Variants in IQCE observed in about 807,000 individuals in gnomAD.
IQCE encodes IQ motif containing E.
In IQCE, 115 loss-of-function variants were observed where a neutral mutation model predicts 96.0. That is an observed-to-expected ratio of 1.20 (90% CI 1.03 to 1.40). The LOEUF is 1.40. IQCE is among the 40% of genes most tolerant of loss of function. IQCE has a pLI of 0.00. For synonymous variants in IQCE, 412 were observed against 371.2 expected (o/e 1.11, Z -1.26); for missense variants, 1,041 against 909.1 (o/e 1.15, Z -1.87).
intron 8 of IQCE, among the ~76,000 whole-genome samples, chr7:2,579,892 C>G: frequency 6.6e-6 from 1 of 152,094 alleles, no homozygotes; most frequent in Non-Finnish European, 1.5e-5. Flanking sequence ...CCCGGGACTA[C>G]AGGCACGTGC....
chr7:2,572,367 G>A (rs368302285), intron 5 of IQCE, 41 bp downstream of exon 5: 51 of 1,599,320 alleles, frequency 3.2e-5, no homozygotes, highest in Non-Finnish European at 3.9e-5. Flanking sequence ...CCAAGGAAGA[G>A]CAGAAAGGAA....
intron 14 of IQCE, among the ~76,000 whole-genome samples, chr7:2,592,420 G>T (rs914697410): frequency 1.3e-5 from 2 of 152,236 alleles, no homozygotes; most frequent in Non-Finnish European, 2.9e-5. Context: ...CCTCTTAGGA[G>T]CCCTTACCGT....
intron 8 of IQCE, chr7:2,582,211 A>G: frequency 2.6e-6 from 1 of 385,184 alleles, no homozygotes; most frequent in Non-Finnish European, 5.2e-6. Flanking sequence ...TAGGGGCTTC[A>G]GGTCTGTGGT....
In IQCE at chr7:2,612,341, AC is replaced by A. The variant is rs903130877; in HGVS notation, c.*2181del. On this transcript the variant is annotated 3_prime_UTR_variant, in exon 22 of 22. Coordinates refer to ENST00000402050, the MANE Select transcript of IQCE (RefSeq NM_152558.5). The stretch of plus-strand genomic sequence containing the variant: ...TGATGCCCAGTGTCCAGTGCTGGTC[AC>A]CAGTCCCCTTTGCTGGGTACAGCCT... 1.3e-5 allele frequency: 2 copies of A among 152,338 alleles called. No individual in the cohort carries two copies. Among genetic ancestry groups the A allele is most frequent in the Non-Finnish European group, 2.9e-5 (2 of 68,142 alleles). 9.4% of individuals were successfully genotyped at this position (152,338 alleles called of 1,614,324 possible). A position where few individuals can be genotyped will look rare whatever the true frequency, so the allele number is the denominator to read the frequency against.
In IQCE at chr7:2,572,283, C is replaced by T. The variant is rs1202531801; in HGVS notation, c.351C>T (p.Thr117=). Reference sequence around the variant, plus strand: ...GCACTCCTGACTGTCTGACAGACACCTTCAGAGTGAAGAGGCCACATCTCA... The same window carrying T: ...GCACTCCTGACTGTCTGACAGACACTTTCAGAGTGAAGAGGCCACATCTCA... ...PGGTPDCLTD[T]FRVKRPHLRR... is the part of the protein sequence containing the mutation. The change falls in exon 5 of 22, where the codon ACC becomes ACT. Residue 117 remains threonine, a synonymous_variant. Coordinates refer to ENST00000402050, the MANE Select transcript of IQCE (RefSeq NM_152558.5). 1 of 1,614,210 alleles carries T rather than the reference C, an allele frequency of 6.2e-7. No individual in the cohort carries two copies. The highest frequency in any genetic ancestry group is 1.1e-5 in the South Asian group (1 of 91,088).
intron 18 of IQCE, among the ~76,000 whole-genome samples, chr7:2,602,159 A>G (rs923019237): frequency 1.3e-5 from 2 of 152,172 alleles, no homozygotes; most frequent in Non-Finnish European, 2.9e-5. Context: ...GTGACATGCA[A>G]GGTGGGCCTC....
chr7:2,586,256 C>T lies in IQCE; in HGVS notation c.873C>T (p.Gly291=), dbSNP rs1783101581. 6.2e-7 allele frequency: 1 copy of T among 1,614,012 alleles called. No individual in the cohort carries two copies. The highest frequency in any genetic ancestry group is 1.3e-5 in the African/African-American group (1 of 75,048). ...KTGAKRQKKM[G]SALLSLSRSV... ...GCGCCAAAAGGCAGAAGAAGATGGG[C>T]AGTGCCCTCCTGAGCTTGTCCCGGA... The change falls in exon 12 of 22, where the codon GGC becomes GGT. Residue 291 remains glycine (G), a synonymous_variant. Transcript: ENST00000402050.
At chr7:2,600,634 T>C (rs760349440) in intron 17 of IQCE, among the ~76,000 whole-genome samples, 2 of 152,236 alleles carry the variant, frequency 1.3e-5, no homozygotes, top group South Asian at 2.1e-4. Flanking sequence ...CTCACTCTTA[T>C]TCAGTGTATA....
rs201483489 is a variant in IQCE at position 2,610,019 on chromosome 7, C to G, written c.1970-25C>G. Reference sequence around the variant, plus strand: ...CCCCTGAGGTCAGCGTGGCTGACCCCTCTCCCTGTGGTTCATTTCTGCAGA... The same window carrying G: ...CCCCTGAGGTCAGCGTGGCTGACCCGTCTCCCTGTGGTTCATTTCTGCAGA... On this transcript the variant is annotated intron_variant, in intron 21 of 21. Transcript: ENST00000402050. The G allele has an allele frequency of 7.9e-5, 106 of 1,340,718 alleles. No individual in the cohort carries two copies. In the African/African-American group the frequency reaches 1.4e-3, roughly 17 times the overall value. The allele number at this position is 1,340,718 out of a possible 1,614,324, so 83.1% of individuals were successfully genotyped here. A position where few individuals can be genotyped will look rare whatever the true frequency, so the allele number is the denominator to read the frequency against.
At chr7:2,571,373 TA>T in intron 3 of IQCE, 152 bp from the exon 4 acceptor site, 1 of 906,380 alleles carries the variant, frequency 1.1e-6, no homozygotes, top group Non-Finnish European at 1.7e-6. Flanking sequence ...AGTATATAGG[TA>T]AAGTAACTCT....
chr7:2,578,970 A>C (rs1481575778), intron 8 of IQCE, among the ~76,000 whole-genome samples: 1 of 151,826 alleles, frequency 6.6e-6, no homozygotes, highest in Non-Finnish European at 1.5e-5. Flanking sequence ...GAGGCACAAG[A>C]ATTGCTTGAA....
chr7:2,604,686 G>A (rs1784662291), intron 18 of IQCE, among the ~76,000 whole-genome samples, 195 bp from the exon 19 acceptor site: 1 of 152,182 alleles, frequency 6.6e-6, no homozygotes. Flanking sequence ...CAGCTCCCTG[G>A]GGCGCCAGTG....
chr7:2,569,247 G>C (rs1781592774), intron 3 of IQCE, among the ~76,000 whole-genome samples: 1 of 152,142 alleles, frequency 6.6e-6, no homozygotes, highest in Non-Finnish European at 1.5e-5. Context: ...TCTCAGGGCT[G>C]AGGCTGCCAC....
chr7:2,606,136 G>A, intron 20 of IQCE, 139 bp downstream of exon 20: 1 of 1,091,512 alleles, frequency 9.2e-7, no homozygotes, highest in South Asian at 1.8e-5. Flanking sequence ...ACCTCGGTTT[G>A]GAGCCAGAGT....
At chr7:2,608,383 C>T (rs572739045) in intron 21 of IQCE, among the ~76,000 whole-genome samples, 3 of 152,350 alleles carry the variant, frequency 2.0e-5, no homozygotes, top group Admixed American at 6.5e-5. Context: ...GTCTCCTGCA[C>T]GAGCTAAGAA....
In IQCE at chr7:2,607,341, T is replaced by TC. The variant is rs573634375; in HGVS notation, c.1969+117dup. ...TGTGTCGGGACGGAAGGGAGGAGTG[T>TC]CCCATCTGGAGCTGCCTCTGAACTA... On this transcript the variant is annotated intron_variant, in intron 21 of 21. Transcript: ENST00000402050. The TC allele has an allele frequency of 4.0e-3, 5,946 of 1,482,076 alleles. 28 individuals carry two copies. Among genetic ancestry groups the TC allele is most frequent in the Non-Finnish European group, 4.5e-3 (5,043 of 1,116,552 alleles). 91.8% of individuals were successfully genotyped at this position (1,482,076 alleles called of 1,614,324 possible). A position where few individuals can be genotyped will look rare whatever the true frequency, so the allele number is the denominator to read the frequency against.
At position 2,598,542 on chromosome 7, in the gene IQCE, G is replaced by A; in HGVS notation, c.1518G>A (p.Gly506=). The A allele has an allele frequency of 3.1e-6, 5 of 1,610,716 alleles. No individual in the cohort carries two copies. Among genetic ancestry groups the A allele is most frequent in the South Asian group, 1.1e-5 (1 of 90,638 alleles). ...QDWPPDSSEE[G]LPRPRSPCSD... ...GGCCGCCGGATTCCAGCGAGGAGGGGCTCCCGCGGCCCCGCTCCCCCTGCT... is the reference window on the plus strand; with the variant it reads ...GGCCGCCGGATTCCAGCGAGGAGGGACTCCCGCGGCCCCGCTCCCCCTGCT... The change falls in exon 17 of 22, where the codon GGG becomes GGA. Residue 506 remains glycine, a synonymous_variant. Coordinates refer to ENST00000402050, the MANE Select transcript of IQCE (RefSeq NM_152558.5).
At position 2,612,871 on chromosome 7, in the gene IQCE, G is replaced by A. The variant is rs1367773883; in HGVS notation, c.*2709G>A. Reference sequence around the variant, plus strand: ...TGTGGGGGCTGCTGGCAGGGCCTAGGAAAGTAGACAACTCCCGGGGGAGAC... The same window carrying A: ...TGTGGGGGCTGCTGGCAGGGCCTAGAAAAGTAGACAACTCCCGGGGGAGAC... On this transcript the variant is annotated 3_prime_UTR_variant, in exon 22 of 22. Coordinates refer to ENST00000402050, the MANE Select transcript of IQCE (RefSeq NM_152558.5). 1 of 152,304 alleles carries A rather than the reference G, an allele frequency of 6.6e-6. No individual in the cohort carries two copies. Among genetic ancestry groups the A allele is most frequent in the African/African-American group, 2.4e-5 (1 of 41,402 alleles). 9.4% of individuals were successfully genotyped at this position (152,304 alleles called of 1,614,324 possible).
chr7:2,582,211 AGGTCTGT>A (rs1398277617), intron 8 of IQCE: 1 of 385,064 alleles, frequency 2.6e-6, no homozygotes, highest in African/African-American at 2.1e-5. Context: ...TAGGGGCTTC[AGGTCTGT>A]GGTTTATCCA....
Sources: allele counts gnomAD v4.1 joint callset (sites outside exome capture counted in the v4.1 genomes callset), GRCh38; gene constraint gnomAD v4.1.1; transcripts MANE v1.5; gene names NCBI Gene and HGNC (gene_info 2026-07-23, HGNC 2026-07-21).